Variants in PAX2 observed in about 807,000 individuals in gnomAD.
PAX2 encodes the protein paired box 2.
Under a neutral mutation model 41.7 loss-of-function variants are expected in PAX2, and 9 were observed. The ratio of observed to expected loss-of-function variants is 0.22; its 90% confidence interval spans 0.13 to 0.38. The LOEUF is 0.38. Ranked by LOEUF, PAX2 falls within the 10% of genes least tolerant of loss-of-function variation. The probability of loss-of-function intolerance (pLI) is 1.00; values close to 1 mark genes in which losing one functional copy is unlikely to be tolerated. For missense variants in PAX2, 418 were observed against 531.6 expected (o/e 0.79, Z 2.10); for synonymous variants, 221 against 212.7 (o/e 1.04, Z -0.34).
At position 100,827,762 on chromosome 10, in the gene PAX2, C is replaced by T. The variant is rs949234092; in HGVS notation, c.*143C>T. The stretch of plus-strand genomic sequence containing the variant: ...CCCCAGCCTCACCCCATCCCACGAC[C>T]CCCGCAACCCTTCACATCACCCCCC... On this transcript the variant is annotated 3_prime_UTR_variant, in exon 10 of 10. Coordinates refer to ENST00000355243, the MANE Select transcript of PAX2 (RefSeq NM_000278.5). This position sits in a 1 kb window ranked among gnomAD's most constrained non-coding sequence, Gnocchi z 8.5. The T allele has an allele frequency of 7.6e-7, 1 of 1,312,894 alleles. No homozygotes were observed. The highest frequency in any genetic ancestry group is 1.1e-6 in the Non-Finnish European group (1 of 920,158). The allele number at this position is 1,312,894 out of a possible 1,614,324, so 81.3% of individuals were successfully genotyped here.
At chr10:100,738,781 T>C (rs4274159) in intron 1 of PAX2, among the ~76,000 whole-genome samples, 135,979 of 152,198 alleles carry the variant, frequency 0.89, 60,984 homozygotes, top group East Asian at 1. Context: ...ATTCTGGATG[T>C]AGGTGACGCT....
At chr10:100,816,276 A>G (rs955973649) in intron 7 of PAX2, among the ~76,000 whole-genome samples, 9 of 152,264 alleles carry the variant, frequency 5.9e-5, no homozygotes, top group African/African-American at 2.2e-4. Flanking sequence ...AATACTGGCC[A>G]CTGCTTTCAT....
chr10:100,774,625 A>C (rs555256595), intron 3 of PAX2, among the ~76,000 whole-genome samples: 9 of 152,290 alleles, frequency 5.9e-5, no homozygotes, highest in South Asian at 2.1e-4. Context: ...CACCCATAGG[A>C]ATAATAATAC....
intron 5 of PAX2, among the ~76,000 whole-genome samples, chr10:100,785,441 A>G (rs572780119): frequency 6.6e-6 from 1 of 152,190 alleles, no homozygotes; most frequent in Non-Finnish European, 1.5e-5. Context: ...TCCATTCATT[A>G]GGTGTACAAT....
intron 7 of PAX2, among the ~76,000 whole-genome samples, chr10:100,812,776 C>A (rs79892284): frequency 6.6e-6 from 1 of 152,186 alleles, no homozygotes; most frequent in Non-Finnish European, 1.5e-5. Context: ...TGAGAACTTA[C>A]TCCAGGATTC....
At chr10:100,825,219 A>ACCAACC (rs1848507437) in intron 8 of PAX2, among the ~76,000 whole-genome samples, 4 of 152,122 alleles carry the variant, frequency 2.6e-5, no homozygotes, top group Non-Finnish European at 5.9e-5. Flanking sequence ...AATGTTGAGA[A>ACCAACC]CCAACCCCAA....
chr10:100,816,964 T>A (rs1019963520), intron 7 of PAX2, among the ~76,000 whole-genome samples: 3 of 152,172 alleles, frequency 2.0e-5, no homozygotes, highest in Non-Finnish European at 4.4e-5. Context: ...TTGGAAGGAT[T>A]AGAGCTGACA....
At chr10:100,744,566 C>T (rs992815623), upstream of PAX2, among the ~76,000 whole-genome samples, 3 of 152,344 alleles carry the variant, frequency 2.0e-5, no homozygotes, top group Non-Finnish European at 4.4e-5. Context: ...GCGCTCGCCC[C>T]GGATCCACCG....
intron 1 of PAX2, among the ~76,000 whole-genome samples, chr10:100,737,521 A>G (rs1844815531): frequency 1.3e-5 from 2 of 152,198 alleles, no homozygotes; most frequent in African/African-American, 4.8e-5. Context: ...TGTTCCAGGC[A>G]GCAGCAGCTC....
intron 3 of PAX2, among the ~76,000 whole-genome samples, chr10:100,754,604 C>A (rs1845564899): frequency 6.6e-6 from 1 of 152,212 alleles, no homozygotes; most frequent in Non-Finnish European, 1.5e-5. Flanking sequence ...ATTCTCAGGT[C>A]TTTGAGTCAT....
At chr10:100,794,787 A>G (rs554546007) in intron 5 of PAX2, among the ~76,000 whole-genome samples, 2 of 152,234 alleles carry the variant, frequency 1.3e-5, no homozygotes, top group Non-Finnish European at 2.9e-5. Context: ...TTCGTGGTCA[A>G]CTAAAACCTC....
chr10:100,739,511 G>C (rs4244340), intron 1 of PAX2, among the ~76,000 whole-genome samples: 121,564 of 152,232 alleles, frequency 0.8, 48,777 homozygotes, highest in East Asian at 1. Flanking sequence ...AACTCAGCGC[G>C]GGTCCTCCCG....
At position 100,750,950 on chromosome 10, in the gene PAX2, G is replaced by A. The variant is rs11190682; in HGVS notation, c.410+59G>A. ...TCCAGCTCCTGGCTCCTGCCTGCAG[G>A]GGTGTCCCACGCCCAGTCTCTGCTC... On this transcript the variant is annotated intron_variant, in intron 3 of 9. Coordinates refer to ENST00000355243, the MANE Select transcript of PAX2 (RefSeq NM_000278.5). This position sits in a 1 kb window ranked among gnomAD's most constrained non-coding sequence, Gnocchi z 4.1. 53 of 1,314,574 alleles carry A rather than the reference G, an allele frequency of 4.0e-5. No homozygotes were observed. In the East Asian group the frequency reaches 1.1e-3, roughly 28 times the overall value. 81.4% of individuals were successfully genotyped at this position (1,314,574 alleles called of 1,614,324 possible).
intron 7 of PAX2, among the ~76,000 whole-genome samples, chr10:100,817,370 T>C (rs760437837): frequency 5.9e-5 from 9 of 152,172 alleles, no homozygotes; most frequent in Non-Finnish European, 1.2e-4. Flanking sequence ...CAACATTCCC[T>C]GGTGTTATCC....
intron 3 of PAX2, among the ~76,000 whole-genome samples, chr10:100,753,348 T>A (rs1172048842): frequency 2.6e-5 from 4 of 152,224 alleles, no homozygotes; most frequent in African/African-American, 9.7e-5. Context: ...CTCATCTTCA[T>A]CCCTGTAGGT....
At position 100,750,189 on chromosome 10, in the gene PAX2, T is replaced by C. The variant is rs1198517811; in HGVS notation, c.212+275T>C. 6.6e-6 allele frequency among the ~76,000 whole-genome samples: 1 copy of C among 152,010 alleles called. No individual in the cohort carries two copies. The highest frequency in any genetic ancestry group is 1.5e-5 in the Non-Finnish European group (1 of 68,002). ...CTGGCTTCAGAAAGGGAAGGATGACTTTCCTAATGGAGTTAAGGCAGATAC... is the reference window on the plus strand; with the variant it reads ...CTGGCTTCAGAAAGGGAAGGATGACCTTCCTAATGGAGTTAAGGCAGATAC... On this transcript the variant is annotated intron_variant, in intron 2 of 9. Coordinates refer to ENST00000355243, the MANE Select transcript of PAX2 (RefSeq NM_000278.5). This position sits in a 1 kb window ranked among gnomAD's most constrained non-coding sequence, Gnocchi z 4.1.
intron 5 of PAX2, among the ~76,000 whole-genome samples, chr10:100,783,279 T>A (rs1172752528): frequency 6.6e-6 from 1 of 152,238 alleles, no homozygotes; most frequent in Non-Finnish European, 1.5e-5. Context: ...ATGATTCTTG[T>A]CCTTAAGGAG....
Position 100,754,043 on chromosome 10 carries a change from C to T in PAX2, c.410+3152C>T, listed in dbSNP as rs569399832. 2.6e-5 allele frequency among the ~76,000 whole-genome samples: 4 copies of T among 152,288 alleles called. No homozygotes were observed. In the East Asian group the frequency reaches 7.7e-4, roughly 29 times the overall value. ...GGAGTTGCCAGCTTTTTGGTTTGTA[C>T]ACCGCTGCTGTAAAGGGCAGGTGTT... On this transcript the variant is annotated intron_variant, in intron 3 of 9. Coordinates refer to ENST00000355243, the MANE Select transcript of PAX2 (RefSeq NM_000278.5).
chr10:100,808,950 C>T (rs1379153545), intron 6 of PAX2, among the ~76,000 whole-genome samples, 160 bp from the exon 7 acceptor site: 12 of 152,224 alleles, frequency 7.9e-5, no homozygotes, highest in Non-Finnish European at 1.3e-4. Flanking sequence ...CCGCACAAAA[C>T]TTGCCATCAT....
Sources: allele counts gnomAD v4.1 joint callset (sites outside exome capture counted in the v4.1 genomes callset), GRCh38; gene constraint gnomAD v4.1.1; non-coding constraint Gnocchi (gnomAD v3.1); transcripts MANE v1.5; gene names NCBI Gene and HGNC (gene_info 2026-07-23, HGNC 2026-07-21).